UPB1: variants seen among roughly 807,000 people sequenced by gnomAD.
UPB1 encodes beta-ureidopropionase 1.
A neutral mutation model predicts 49.1 loss-of-function variants in UPB1; 40 were observed. The observed-to-expected ratio is 0.81, with a 90% confidence interval of 0.63 to 1.06. The LOEUF (loss-of-function observed/expected upper bound fraction) is 1.06. UPB1 is among the 50% of genes least tolerant of loss of function. The pLI, the probability that UPB1 is intolerant of heterozygous loss-of-function variation, is 0.00. For synonymous variants in UPB1, 207 were observed against 198.2 expected (o/e 1.04, Z -0.38); for missense variants, 499 against 505.9 (o/e 0.99, Z 0.13).
chr22:24,500,768 G>A (rs2043981651), intron 2 of UPB1, among the ~76,000 whole-genome samples: 1 of 152,352 alleles, frequency 6.6e-6, no homozygotes, highest in South Asian at 2.1e-4. Context: ...TGACCTCAGA[G>A]TTAGTAAATA....
rs1294526731 is a variant in UPB1 at position 24,510,914 on chromosome 22, C to T, written c.459+71C>T. 8 of 1,517,316 alleles carry T rather than the reference C, an allele frequency of 5.3e-6. No individual in the cohort carries two copies. In the East Asian group the frequency reaches 1.8e-4, roughly 34 times the overall value. The allele number at this position is 1,517,316 out of a possible 1,614,324, so 94.0% of individuals were successfully genotyped here. A position where few individuals can be genotyped will look rare whatever the true frequency, so the allele number is the denominator to read the frequency against. On this transcript the variant is annotated intron_variant, in intron 4 of 9. Coordinates refer to ENST00000326010, the MANE Select transcript of UPB1 (RefSeq NM_016327.3). ...AAGTCACAGAGCATGACCACAGCTG[C>T]CGGGTTTGGCCTTTCACCATGGAAA...
intron 3 of UPB1, chr22:24,503,834 T>TA (rs1188811206): frequency 3.3e-5 from 5 of 152,328 alleles, no homozygotes; most frequent in South Asian, 2.1e-4. Context: ...GATCTGTAAG[T>TA]AAAAAAATCT....
chr22:24,521,834 C>T (rs995611459), intron 7 of UPB1, 152 bp from the exon 8 acceptor site: 22 of 785,116 alleles, frequency 2.8e-5, no homozygotes, highest in Middle Eastern at 2.6e-4. Context: ...CTTAATTGCC[C>T]GGTGAGTACA....
At chr22:24,519,796 G>C (rs2044355458) in intron 6 of UPB1, 1 of 158,462 alleles carries the variant, frequency 6.3e-6, no homozygotes, top group South Asian at 1.8e-4. Flanking sequence ...GCCTTGCAAG[G>C]CAGCATAGCA....
chr22:24,502,779 C>T (rs2044017264), intron 3 of UPB1: 1 of 506,618 alleles, frequency 2.0e-6, no homozygotes, highest in Non-Finnish European at 3.5e-6. Flanking sequence ...TTTTGCATCA[C>T]CTATTGACTT....
At chr22:24,501,117 C>T (rs541101177) in intron 2 of UPB1, among the ~76,000 whole-genome samples, 2 of 152,342 alleles carry the variant, frequency 1.3e-5, no homozygotes, top group East Asian at 3.9e-4. Flanking sequence ...ACTGTCAAGT[C>T]ATAGGACCAG....
Position 24,526,340 on chromosome 22 carries a change from CTAAG to C in UPB1, c.*552_*555del, listed in dbSNP as rs886057290. On this transcript the variant is annotated 3_prime_UTR_variant, in exon 10 of 10. Transcript: ENST00000326010. Reference sequence around the variant, plus strand: ...GTGACAGAAGTCCATTCCCAATTGACTAAGTAAGTGAGATTATCTCAGATAATCT... The same window carrying C: ...GTGACAGAAGTCCATTCCCAATTGACTAAGTGAGATTATCTCAGATAATCT... 19 of 204,686 alleles carry C rather than the reference CTAAG, an allele frequency of 9.3e-5. No homozygotes were observed. In the East Asian group the frequency reaches 2.2e-3, roughly 23 times the overall value. 12.7% of individuals were successfully genotyped at this position (204,686 alleles called of 1,614,324 possible). A position where few individuals can be genotyped will look rare whatever the true frequency, so the allele number is the denominator to read the frequency against.
At chr22:24,496,088 A>G (rs942586425) in intron 1 of UPB1, among the ~76,000 whole-genome samples, 3 of 152,008 alleles carry the variant, frequency 2.0e-5, no homozygotes, top group Non-Finnish European at 2.9e-5. Context: ...TGAAAAAGAC[A>G]CTTCCTGGCC....
intron 3 of UPB1, chr22:24,502,941 TTA>T (rs1015333103): frequency 3.9e-5 from 7 of 178,476 alleles, no homozygotes; most frequent in Admixed American, 1.1e-4. Flanking sequence ...TCACCCAGGC[TTA>T]GAGTACAATC....
chr22:24,518,966 TC>T (rs1019432706), intron 6 of UPB1, among the ~76,000 whole-genome samples: 2 of 152,144 alleles, frequency 1.3e-5, no homozygotes, highest in African/African-American at 4.8e-5. Context: ...CAGCTTCCTT[TC>T]CCCTGGTGGT....
chr22:24,521,201 G>GAAAAAAA (rs1568995772), intron 7 of UPB1, among the ~76,000 whole-genome samples: 1 of 137,408 alleles, frequency 7.3e-6, no homozygotes, highest in Non-Finnish European at 1.5e-5. Flanking sequence ...AAAAAAAAAG[G>GAAAAAAA]CCAGGTGCGG....
chr22:24,501,125 C>T (rs1281624120), intron 2 of UPB1, among the ~76,000 whole-genome samples: 2 of 152,116 alleles, frequency 1.3e-5, no homozygotes, highest in East Asian at 1.9e-4. Flanking sequence ...GTCATAGGAC[C>T]AGCTATGTTT....
intron 3 of UPB1, among the ~76,000 whole-genome samples, chr22:24,504,723 C>CTTTTTTT (rs35606558): frequency 4.1e-4 from 38 of 91,766 alleles, no homozygotes; most frequent in Admixed American, 8.0e-4. Flanking sequence ...GTATTTCCTC[C>CTTTTTTT]TTTTTTTTTT....
chr22:24,513,174 T>C, intron 4 of UPB1, 150 bp from the exon 5 acceptor site: 1 of 1,084,482 alleles, frequency 9.2e-7, no homozygotes. Flanking sequence ...TAGCAAAGCA[T>C]GGACATCAGG....
chr22:24,523,137 C>A (rs1292437223), intron 8 of UPB1, among the ~76,000 whole-genome samples: 1 of 152,148 alleles, frequency 6.6e-6, no homozygotes, highest in African/African-American at 2.4e-5. Context: ...GTGCCTGCTG[C>A]ATCTGGGCCA....
chr22:24,520,457 CGAGTGGGCA>C lies in UPB1; in HGVS notation c.863_871del (p.Arg288_Thr291delinsPro), dbSNP rs758837365. The C allele has an allele frequency of 2.6e-5, 42 of 1,613,906 alleles. No homozygotes were observed. Among genetic ancestry groups the C allele is most frequent in the Non-Finnish European group, 3.5e-5 (41 of 1,180,000 alleles). ...TCACTGCTTCACCTGCGCCATCAAT[CGAGTGGGCA>C]CCGTAAGTCCCGAGGTCTGGCTGGG... On this transcript the variant is annotated inframe_deletion and splice_region_variant, in exon 7 of 10. Transcript: ENST00000326010.
intron 3 of UPB1, among the ~76,000 whole-genome samples, chr22:24,509,264 C>T (rs1663802620): frequency 6.6e-6 from 1 of 151,312 alleles, no homozygotes; most frequent in South Asian, 2.1e-4. Context: ...AGCGGAGTCC[C>T]CTCCATCCCC....
At chr22:24,497,083 G>A (rs1461227794) in intron 1 of UPB1, among the ~76,000 whole-genome samples, 1 of 152,150 alleles carries the variant, frequency 6.6e-6, no homozygotes, top group African/African-American at 2.4e-5. Flanking sequence ...CAACGGGAGA[G>A]ACTCTTTAAC....
rs1233185998 is a variant in UPB1 at position 24,520,391 on chromosome 22, T to A, written c.796T>A (p.Ser266Thr). The change falls in exon 7 of 10, where the codon TCC (serine) becomes ACC (threonine). Residue 266 changes from serine to threonine, a missense_variant. Coordinates refer to ENST00000326010, the MANE Select transcript of UPB1 (RefSeq NM_016327.3). ...CCTCTTGGTCCTCTCTTACAGCGAGTCCCTGTGGCCCATCGAGGCCAGAAA... is the reference window on the plus strand; with the variant it reads ...CCTCTTGGTCCTCTCTTACAGCGAGACCCTGTGGCCCATCGAGGCCAGAAA... ...PSATIGALSE[S>T]LWPIEARNAA... 2 of 1,614,140 alleles carry A rather than the reference T, an allele frequency of 1.2e-6. No homozygotes were observed. Among genetic ancestry groups the A allele is most frequent in the Non-Finnish European group, 1.7e-6 (2 of 1,180,012 alleles).
Sources: gnomAD v4.1 joint callset for allele counts (sites outside exome capture counted in the v4.1 genomes callset) on GRCh38, gnomAD v4.1.1 for gene constraint, MANE v1.5 for transcripts, NCBI Gene and HGNC (gene_info 2026-07-23, HGNC 2026-07-21) for gene names.